Variants in MAPT observed in about 807,000 individuals in gnomAD.
MAPT encodes the protein microtubule associated protein tau, also known as microtubule-associated protein tau.
In MAPT, 34 loss-of-function variants were observed where a neutral mutation model predicts 67.9. The observed-to-expected ratio is 0.50, with a 90% CI of 0.38 to 0.67. The LOEUF (loss-of-function observed/expected upper bound fraction) is 0.67, where lower values mean the gene tolerates loss of function less well. Ranked by LOEUF, MAPT falls within the 30% of genes least tolerant of loss-of-function variation. The pLI, the probability that MAPT is intolerant of heterozygous loss-of-function variation, is 0.00. For missense variants in MAPT, 881 were observed against 1,115.2 expected (o/e 0.79, Z 2.99); for synonymous variants, 456 against 464.5 (o/e 0.98, Z 0.23).
chr17:45,972,872 TG>T (rs1331924232), intron 3 of MAPT: 3 of 152,620 alleles, frequency 2.0e-5, no homozygotes, highest in African/African-American at 7.2e-5. Flanking sequence ...TGGCCAGAGC[TG>T]GGTCTTACGG....
intron 11 of MAPT, among the ~76,000 whole-genome samples, chr17:46,015,397 C>A (rs1446245314): frequency 6.6e-6 from 1 of 151,566 alleles, no homozygotes; most frequent in African/African-American, 2.4e-5. Context: ...CGGTGGCTCA[C>A]GCCTGTAATC....
intron 9 of MAPT, chr17:45,999,232 A>G (rs1416024018): frequency 6.3e-7 from 1 of 1,580,578 alleles, no homozygotes; most frequent in Non-Finnish European, 8.6e-7. Flanking sequence ...AAGCCCCTGT[A>G]AACTCTGACC....
rs143867182 is a variant in MAPT, at chr17:45,917,927, C to A, written c.-18+23241C>A. On this transcript the variant is annotated intron_variant, in intron 1 of 12. Coordinates refer to ENST00000262410, the MANE Select transcript of MAPT (RefSeq NM_001377265.1). ...CAGCAAGACTACAGGTGCGCACCACCATGCCCGACTAATTTTTGTATTATT... is the reference window on the plus strand; with the variant it reads ...CAGCAAGACTACAGGTGCGCACCACAATGCCCGACTAATTTTTGTATTATT... 2.4e-3 allele frequency among the ~76,000 whole-genome samples: 370 copies of A among 152,294 alleles called. 2 individuals are homozygous for A. Among genetic ancestry groups the A allele is most frequent in the African/African-American group, 8.4e-3 (349 of 41,554 alleles).
intron 1 of MAPT, among the ~76,000 whole-genome samples, chr17:45,929,946 C>G (rs549010916): frequency 7.9e-5 from 12 of 152,258 alleles, no homozygotes; most frequent in Non-Finnish European, 1.6e-4. Context: ...CCTGCAATAT[C>G]CACCCTCTGG....
chr17:45,931,287 C>T (rs1041170158), intron 1 of MAPT, among the ~76,000 whole-genome samples: 2 of 152,050 alleles, frequency 1.3e-5, no homozygotes, highest in Non-Finnish European at 2.9e-5. Context: ...CAGAAATAAT[C>T]GTGTAATGAA....
At chr17:45,913,453 C>T (rs995656743) in intron 1 of MAPT, among the ~76,000 whole-genome samples, 2 of 152,182 alleles carry the variant, frequency 1.3e-5, no homozygotes, top group Non-Finnish European at 1.5e-5. Flanking sequence ...CGTGAAATAT[C>T]GCCATTAACA....
intron 1 of MAPT, among the ~76,000 whole-genome samples, chr17:45,959,855 G>A (rs1434508259): frequency 1.3e-5 from 2 of 152,160 alleles, no homozygotes; most frequent in East Asian, 1.9e-4. Flanking sequence ...TGGAACATCT[G>A]AGGCCATTTC....
chr17:45,990,064 A>G lies in MAPT; in HGVS notation c.1594A>G (p.Met532Val), dbSNP rs1270758485. Reference protein sequence around the residue: ...SRTGSSGAKEMKLKGADGKTK... With the variant: ...SRTGSSGAKEVKLKGADGKTK... ...AACTGGCAGTTCTGGAGCAAAGGAG[A>G]TGAAACTCAAGGTAAGGAAACCACC... The change falls in exon 7 of 13, where the codon ATG (methionine) becomes GTG (valine). Residue 532 changes from methionine (M) to valine (V), a missense_variant. Transcript: ENST00000262410. 6 of 1,614,030 alleles carry G rather than the reference A, an allele frequency of 3.7e-6. No homozygotes were observed. The East Asian group carries it at 1.3e-4, about 36-fold the overall frequency.
At chr17:45,965,502 G>A (rs112415880) in intron 2 of MAPT, among the ~76,000 whole-genome samples, 21,914 of 151,368 alleles carry the variant, frequency 0.14, 2,130 homozygotes, top group Non-Finnish European at 0.22. Flanking sequence ...CGCAACCTGC[G>A]CCTCCCGGGT....
intron 1 of MAPT, among the ~76,000 whole-genome samples, chr17:45,929,684 G>A (rs530426480): frequency 4.9e-4 from 74 of 152,274 alleles, no homozygotes; most frequent in African/African-American, 1.8e-3. Flanking sequence ...AACTTTTGTT[G>A]TTGTTATTGT....
At chr17:45,938,810 ATTTT>A (rs368157488) in intron 1 of MAPT, among the ~76,000 whole-genome samples, 2 of 118,104 alleles carry the variant, frequency 1.7e-5, no homozygotes, top group Admixed American at 1.9e-4. Flanking sequence ...TGCCCAGCTA[ATTTT>A]TTTTTTTTTT....
chr17:46,006,268 T>A (rs1214416030), intron 9 of MAPT, among the ~76,000 whole-genome samples: 1 of 152,182 alleles, frequency 6.6e-6, no homozygotes, highest in Non-Finnish European at 1.5e-5. Context: ...TGAAAAAGAA[T>A]GAGAATCTGT....
At position 46,010,549 on chromosome 17, in the gene MAPT, C is replaced by G; in HGVS notation, c.2091+147C>G. Reference sequence around the variant, plus strand: ...CTGCGACCTCTGGGTGAATGTAGCCCGGCTCCCCACATTCCCCCACACGGT... The same window carrying G: ...CTGCGACCTCTGGGTGAATGTAGCCGGGCTCCCCACATTCCCCCACACGGT... On this transcript the variant is annotated intron_variant, in intron 10 of 12. Transcript: ENST00000262410. This position sits in a 1 kb window ranked among gnomAD's most constrained non-coding sequence, Gnocchi z 4.7. The G allele has an allele frequency of 4.2e-6, 3 of 705,930 alleles. No individual in the cohort carries two copies. The highest frequency in any genetic ancestry group is 7.7e-6 in the Non-Finnish European group (3 of 389,776). 43.7% of individuals were successfully genotyped at this position (705,930 alleles called of 1,614,324 possible).
intron 1 of MAPT, among the ~76,000 whole-genome samples, chr17:45,961,530 A>C (rs1408203847): frequency 6.6e-6 from 1 of 152,220 alleles, no homozygotes; most frequent in African/African-American, 2.4e-5. Flanking sequence ...CGATGAGTCA[A>C]GAGTTGGTTT....
At chr17:45,989,244 CAT>C (rs1433948782) in intron 6 of MAPT, among the ~76,000 whole-genome samples, 3 of 152,318 alleles carry the variant, frequency 2.0e-5, no homozygotes, top group Admixed American at 2.0e-4. Context: ...TCAACTTACT[CAT>C]GTGAAGCACC....
At chr17:46,018,048 G>A (rs1490102165) in intron 11 of MAPT, among the ~76,000 whole-genome samples, 1 of 151,578 alleles carries the variant, frequency 6.6e-6, no homozygotes, top group Non-Finnish European at 1.5e-5. Context: ...GGTTGGCTGA[G>A]GCAGGAGAAT....
In MAPT at chr17:46,026,163, G is replaced by A. The variant is rs1018921569; in HGVS notation, c.*1992G>A. The A allele has an allele frequency of 3.3e-5, 5 of 152,322 alleles. No homozygotes were observed. The highest frequency in any genetic ancestry group is 1.2e-4 in the African/African-American group (5 of 41,376). The allele number at this position is 152,322 out of a possible 1,614,324, so 9.4% of individuals were successfully genotyped here. On this transcript the variant is annotated 3_prime_UTR_variant, in exon 13 of 13. Transcript: ENST00000262410. ...GGTTTCTAACCCACCCTCACGAGGT[G>A]TCTCTCACCCCCACACTGGGACTCG...
At chr17:45,914,714 AC>A (rs1328198731) in intron 1 of MAPT, among the ~76,000 whole-genome samples, 2 of 148,098 alleles carry the variant, frequency 1.4e-5, no homozygotes, top group African/African-American at 4.9e-5. Context: ...CTTAAATGTT[AC>A]TTTTTACCTT....
Position 45,995,502 on chromosome 17 carries a change from A to G in MAPT, c.1733-897A>G, listed in dbSNP as rs2074398224. Among the ~76,000 whole-genome samples the G allele has an allele frequency of 6.6e-6, 1 of 152,162 alleles. No individual in the cohort carries two copies. The highest frequency in any genetic ancestry group is 1.5e-5 in the Non-Finnish European group (1 of 68,036). ...ACTTTGGAAAATACAGACCCATGAG[A>G]TAGAATACCAGACTGTTGAAGTGTA... On this transcript the variant is annotated intron_variant, in intron 8 of 12. Transcript: ENST00000262410. This position sits in a 1 kb window ranked among gnomAD's most constrained non-coding sequence, Gnocchi z 4.3.
Sources: gnomAD v4.1 joint callset for allele counts (sites outside exome capture counted in the v4.1 genomes callset) on GRCh38, gnomAD v4.1.1 for gene constraint, Gnocchi (gnomAD v3.1) non-coding constraint, MANE v1.5 for transcripts, NCBI Gene and HGNC (gene_info 2026-07-23, HGNC 2026-07-21) for gene names.